NDE1: variants seen among roughly 807,000 people sequenced by gnomAD.
The protein encoded by NDE1 is nudE neurodevelopment protein 1.
Under a neutral mutation model 43.4 loss-of-function variants are expected in NDE1, and 28 were observed. That is an observed-to-expected ratio of 0.65 (90% CI 0.48 to 0.89). NDE1 has a LOEUF of 0.89. Among genes scored for constraint, NDE1 ranks in the 40% least tolerant of loss-of-function variants. The pLI is 0.00. For synonymous variants in NDE1, 184 were observed against 172.0 expected, an observed-to-expected ratio of 1.07 and a Z score of -0.55; for missense variants, 441 against 434.1, an observed-to-expected ratio of 1.02 and a Z score of -0.14.
chr16:15,668,121 T>C (rs1014291824), intron 3 of NDE1, among the ~76,000 whole-genome samples: 2 of 152,046 alleles, frequency 1.3e-5, no homozygotes, highest in African/African-American at 4.8e-5. Context: ...CCCAGCACTT[T>C]GGGAGGCTGA....
chr16:15,700,779 T>C (rs2039194692), intron 8 of NDE1, among the ~76,000 whole-genome samples: 1 of 152,070 alleles, frequency 6.6e-6, no homozygotes, highest in South Asian at 2.1e-4. Flanking sequence ...GTGTTTTTAA[T>C]GTCCCAAGTC....
At chr16:15,720,079 T>C in intron 8 of NDE1, 1 of 1,603,768 alleles carries the variant, frequency 6.2e-7, no homozygotes, top group Non-Finnish European at 8.5e-7. Context: ...GAGCCCGCTC[T>C]GCTGACTTCG....
At chr16:15,721,302 C>T in intron 8 of NDE1, 1 of 1,226,066 alleles carries the variant, frequency 8.2e-7, no homozygotes, top group East Asian at 2.4e-5. Context: ...AAACCTCCTT[C>T]CATTTCCGAT....
At chr16:15,648,398 A>G (rs1037204299), upstream of NDE1, among the ~76,000 whole-genome samples, 1 of 152,222 alleles carries the variant, frequency 6.6e-6, no homozygotes, top group African/African-American at 2.4e-5. Flanking sequence ...AGAAGAAAAT[A>G]AAGAAAAAAA....
intron 3 of NDE1, among the ~76,000 whole-genome samples, chr16:15,669,124 T>TCTC (rs536585516): frequency 1.3e-3 from 200 of 151,622 alleles, no homozygotes; most frequent in African/African-American, 4.6e-3. Flanking sequence ...ATGGTCTTGA[T>TCTC]CTCCTGACCT....
Position 15,677,963 on chromosome 16 carries a change from G to C in NDE1, c.386+14G>C, listed in dbSNP as rs754765140. On this transcript the variant is annotated intron_variant, in intron 4 of 8. Transcript: ENST00000396354. Reference sequence around the variant, plus strand: ...AAGAGCCAAGCGGTATGGGTGGAAGGGAAAAGCACGAGTGGGAGACTCTCC... The same window carrying C: ...AAGAGCCAAGCGGTATGGGTGGAAGCGAAAAGCACGAGTGGGAGACTCTCC... The C allele has an allele frequency of 6.2e-7, 1 of 1,613,972 alleles. No homozygotes were observed. Among genetic ancestry groups the C allele is most frequent in the African/African-American group, 1.3e-5 (1 of 75,024 alleles).
chr16:15,664,657 G>GTTTTT, intron 1 of NDE1, 79 bp from the exon 2 acceptor site: 3 of 725,832 alleles, frequency 4.1e-6, no homozygotes, highest in Non-Finnish European at 4.6e-6. Flanking sequence ...GCCTGGCCAA[G>GTTTTT]TTTTTTTTTT....
At chr16:15,723,961 G>A (rs955307180) in intron 8 of NDE1, among the ~76,000 whole-genome samples, 3 of 152,178 alleles carry the variant, frequency 2.0e-5, no homozygotes, top group African/African-American at 7.2e-5. Context: ...AGTCATCAAG[G>A]CTTCTTTGCC....
chr16:15,718,270 G>A (rs1596709023), intron 8 of NDE1: 2 of 1,604,942 alleles, frequency 1.2e-6, no homozygotes, highest in Non-Finnish European at 8.5e-7. Context: ...CCTGCTGCAG[G>A]AGAGACAGTA....
chr16:15,715,308 A>T (rs1302048031), intron 8 of NDE1: 2 of 1,607,034 alleles, frequency 1.2e-6, no homozygotes, highest in Non-Finnish European at 1.7e-6. Flanking sequence ...GTTTCAGCGG[A>T]GGGTGGCACC....
At chr16:15,696,376 A>G (rs1250013437) in intron 7 of NDE1, among the ~76,000 whole-genome samples, 1 of 123,090 alleles carries the variant, frequency 8.1e-6, no homozygotes, top group East Asian at 2.1e-4. Context: ...TAAAAAAGTA[A>G]AAAACAAAAC....
intron 7 of NDE1, 26 bp from the exon 8 acceptor site, chr16:15,696,683 A>C (rs1365664425): frequency 6.2e-7 from 1 of 1,614,128 alleles, no homozygotes; most frequent in South Asian, 1.1e-5. Context: ...CTATAACTTG[A>C]GAGATAAAAG....
intron 5 of NDE1, 104 bp downstream of exon 5, chr16:15,687,615 C>T: frequency 9.1e-7 from 1 of 1,101,386 alleles, no homozygotes; most frequent in Non-Finnish European, 1.4e-6. Flanking sequence ...GGACCCCACA[C>T]CCTGCTCTGC....
chr16:15,699,974 C>CCAT, intron 8 of NDE1: 2 of 1,203,480 alleles, frequency 1.7e-6, no homozygotes, highest in South Asian at 3.0e-5. Flanking sequence ...ATGACCGAGG[C>CCAT]CATCACCTGT....
At chr16:15,711,202 G>A (rs1030086957) in intron 8 of NDE1, 4 of 152,198 alleles carry the variant, frequency 2.6e-5, no homozygotes, top group African/African-American at 9.7e-5. Context: ...ACTTTTCCCT[G>A]TCTCACGCAG....
intron 4 of NDE1, among the ~76,000 whole-genome samples, chr16:15,684,803 TA>T (rs1201833844): frequency 6.6e-6 from 1 of 152,204 alleles, no homozygotes; most frequent in Non-Finnish European, 1.5e-5. Context: ...ATGCCACCTT[TA>T]TTATAAATTA....
In NDE1 at chr16:15,694,221, C is replaced by G; in HGVS notation, c.760C>G (p.Leu254Val). ...PLTPAARISA[L>V]NIVGDLLRKV... ...CACACCTGCGGCCCGGATATCAGCC[C>G]TCAACATTGTGGGAGACCTACTGCG... The change falls in exon 7 of 9, where the codon CTC becomes GTC. Residue 254 changes from leucine (L) to valine (V), a missense_variant. By Grantham distance (32) the Leu-to-Val change is conservative. Coordinates refer to ENST00000396354, the MANE Select transcript of NDE1 (RefSeq NM_017668.3). 1 of 1,613,760 alleles carries G rather than the reference C, an allele frequency of 6.2e-7. No homozygotes were observed. Among genetic ancestry groups the G allele is most frequent in the Non-Finnish European group, 8.5e-7 (1 of 1,180,030 alleles).
chr16:15,708,086 C>G (rs920116054), intron 8 of NDE1, among the ~76,000 whole-genome samples: 3 of 152,078 alleles, frequency 2.0e-5, no homozygotes, highest in Non-Finnish European at 4.4e-5. Flanking sequence ...CATGTACATG[C>G]CCGTGAAGCC....
intron 8 of NDE1, among the ~76,000 whole-genome samples, chr16:15,712,492 A>G (rs533848995): frequency 8.1e-4 from 123 of 152,248 alleles, no homozygotes; most frequent in Non-Finnish European, 1.3e-3. Context: ...TACTAAAAAT[A>G]TAAAAATAGG....
Sources: gnomAD v4.1 joint callset for allele counts (sites outside exome capture counted in the v4.1 genomes callset) on GRCh38, gnomAD v4.1.1 for gene constraint, MANE v1.5 for transcripts, NCBI Gene and HGNC (gene_info 2026-07-23, HGNC 2026-07-21) for gene names.